LOC112694756: variants seen among roughly 807,000 people sequenced by gnomAD.
At chr16:30,055,223 T>C in the LOC112694756 span, 1 of 399,488 alleles carries the variant, frequency 2.5e-6, no homozygotes, top group Non-Finnish European at 4.4e-6. Flanking sequence ...GCAAGGTTCC[T>C]CCGGGCCCCC....
chr16:30,065,387 G>A, the LOC112694756 span, among the ~76,000 whole-genome samples: 4 of 152,186 alleles, frequency 2.6e-5, no homozygotes, highest in Non-Finnish European at 5.9e-5. Flanking sequence ...CTGGGCCTGG[G>A]AGGCGAAACT....
At chr16:30,062,486 C>T in the LOC112694756 span, among the ~76,000 whole-genome samples, 5 of 143,780 alleles carry the variant, frequency 3.5e-5, no homozygotes, top group East Asian at 2.1e-4. Context: ...GAGCCGAGAC[C>T]GCGCCATGGC....
At chr16:30,069,223 G>T in the LOC112694756 span, 2 of 1,490,206 alleles carry the variant, frequency 1.3e-6, no homozygotes, top group East Asian at 2.3e-5. Context: ...ATCAAGATAC[G>T]GTCTTGACCA....
chr16:30,070,389 C>T, the LOC112694756 span: 3 of 640,160 alleles, frequency 4.7e-6, no homozygotes, highest in Non-Finnish European at 8.4e-6. Context: ...CGGCACACTG[C>T]CAAATAAACA....
the LOC112694756 span, among the ~76,000 whole-genome samples, chr16:30,056,993 C>A: frequency 6.7e-6 from 1 of 149,958 alleles, no homozygotes; most frequent in Admixed American, 6.7e-5. Context: ...TCACCGCAAT[C>A]TCTGCCTACT....
the LOC112694756 span, chr16:30,070,310 C>T: frequency 1.2e-4 from 145 of 1,173,900 alleles, 2 homozygotes; most frequent in South Asian, 1.6e-3. Flanking sequence ...CTGGCTTGCC[C>T]GCGCTCTTTC....
At chr16:30,067,338 G>A in the LOC112694756 span, 1 of 1,613,902 alleles carries the variant, frequency 6.2e-7, no homozygotes, top group East Asian at 2.2e-5. Context: ...CACCTGGCAA[G>A]GGCATCCTGG....
chr16:30,064,248 G>A, the LOC112694756 span: 1 of 397,698 alleles, frequency 2.5e-6, no homozygotes, highest in Admixed American at 4.4e-5. Flanking sequence ...TATTTTAGGA[G>A]GTGAGTGTAG....
At chr16:30,066,996 C>T in the LOC112694756 span, 20 of 1,563,416 alleles carry the variant, frequency 1.3e-5, no homozygotes, top group Admixed American at 2.1e-4. Flanking sequence ...GGCAACTCCA[C>T]CCTCAGCTGG....
chr16:30,058,704 G>A, the LOC112694756 span, among the ~76,000 whole-genome samples: 27 of 151,944 alleles, frequency 1.8e-4, no homozygotes, highest in Admixed American at 1.8e-3. Flanking sequence ...GGATGGTCTT[G>A]ATCTCCTGAC....
At chr16:30,070,164 TGGG>T in the LOC112694756 span, 1 of 1,614,130 alleles carries the variant, frequency 6.2e-7, no homozygotes, top group East Asian at 2.2e-5. Context: ...GCGGTCAGGC[TGGG>T]GCTGCTGCCA....
At chr16:30,067,676 T>C in the LOC112694756 span, 2 of 1,613,878 alleles carry the variant, frequency 1.2e-6, no homozygotes, top group Non-Finnish European at 1.7e-6. Context: ...GGGGAGGGCC[T>C]CCGGACGTGA....
At chr16:30,066,212 A>T in the LOC112694756 span, 3 of 152,230 alleles carry the variant, frequency 2.0e-5, no homozygotes, top group African/African-American at 7.2e-5. Flanking sequence ...AGGGCCCCTT[A>T]GCCCTGGCGG....
the LOC112694756 span, among the ~76,000 whole-genome samples, chr16:30,053,889 G>A: frequency 6.6e-6 from 1 of 152,170 alleles, no homozygotes; most frequent in African/African-American, 2.4e-5. Flanking sequence ...AGTGCCAGGC[G>A]TGGTGGCTGT....
At chr16:30,069,694 G>T in the LOC112694756 span, 1 of 1,612,964 alleles carries the variant, frequency 6.2e-7, no homozygotes, top group South Asian at 1.1e-5. Context: ...CACTCATCTT[G>T]ATCTCTATGC....
At chr16:30,064,457 C>G in the LOC112694756 span, 23 of 398,686 alleles carry the variant, frequency 5.8e-5, no homozygotes, top group East Asian at 7.8e-4. Flanking sequence ...TCTTGACAAC[C>G]AAGGGCCTCC....
chr16:30,067,695 A>G, the LOC112694756 span: 2 of 1,612,460 alleles, frequency 1.2e-6, no homozygotes, highest in African/African-American at 1.3e-5. Context: ...GAGGTTTGAG[A>G]TGGAAGTGGA....
chr16:30,059,220 G>A, the LOC112694756 span, among the ~76,000 whole-genome samples: 4 of 152,010 alleles, frequency 2.6e-5, no homozygotes, highest in African/African-American at 9.7e-5. Flanking sequence ...CTTTCAGGCC[G>A]GGTGCGGTGG....
At chr16:30,070,253 G>GCC in the LOC112694756 span, 1 of 1,599,576 alleles carries the variant, frequency 6.3e-7, no homozygotes, top group East Asian at 2.2e-5. Context: ...TCCAGGCCCT[G>GCC]CCCCCTCCCA....
Sources: gnomAD v4.1 joint callset for allele counts (sites outside exome capture counted in the v4.1 genomes callset) on GRCh38, gnomAD v4.1.1 for gene constraint, MANE v1.5 for transcripts.